RELB: variants seen among roughly 807,000 people sequenced by gnomAD.
RELB encodes RELB proto-oncogene, NF-kB subunit.
In RELB, 14 loss-of-function variants were observed where a neutral mutation model predicts 55.4. The ratio of observed to expected loss-of-function variants is 0.25; its 90% CI spans 0.17 to 0.40. RELB has a LOEUF of 0.40. RELB is among the 10% of genes least tolerant of loss of function. The probability of loss-of-function intolerance (pLI) is 1.00; values close to 1 mark genes in which losing one functional copy is unlikely to be tolerated. For synonymous variants in RELB, 409 were observed against 371.3 expected, an observed-to-expected ratio of 1.10 and a Z score of -1.17; for missense variants, 669 against 830.7, an observed-to-expected ratio of 0.81 and a Z score of 2.39.
At chr19:45,034,946 T>C (rs911477124) in intron 11 of RELB, among the ~76,000 whole-genome samples, 2 of 151,882 alleles carry the variant, frequency 1.3e-5, no homozygotes, top group Non-Finnish European at 2.9e-5. Context: ...GTTCAAGCGA[T>C]TCTCCTGCTT....
intron 5 of RELB, among the ~76,000 whole-genome samples, chr19:45,022,984 C>T (rs1384709873): frequency 3.9e-5 from 6 of 152,174 alleles, no homozygotes; most frequent in Non-Finnish European, 8.8e-5. Flanking sequence ...AAGGTAGTGA[C>T]ACACTTCACT....
intron 4 of RELB, among the ~76,000 whole-genome samples, chr19:45,013,296 C>T (rs371200551): frequency 8.6e-5 from 13 of 151,814 alleles, no homozygotes; most frequent in East Asian, 8.1e-4. Flanking sequence ...TCCACCACCA[C>T]GCCTGGCTAA....
intron 2 of RELB, among the ~76,000 whole-genome samples, chr19:45,006,294 T>C (rs1971281243): frequency 6.6e-6 from 1 of 152,056 alleles, no homozygotes; most frequent in Non-Finnish European, 1.5e-5. Flanking sequence ...AACCTCCGAC[T>C]CCCGGGTTCA....
Position 45,037,810 on chromosome 19 carries a change from G to T in RELB, c.*20G>T. ...ACGTAGCCCCGCGATGCCAGAGGAGGGGCACTGGGTGGGGAGGGAGGTGGA... is the reference window on the plus strand; with the variant it reads ...ACGTAGCCCCGCGATGCCAGAGGAGTGGCACTGGGTGGGGAGGGAGGTGGA... On this transcript the variant is annotated 3_prime_UTR_variant, in exon 12 of 12. Transcript: ENST00000221452. 6.8e-7 allele frequency: 1 copy of T among 1,477,418 alleles called. No individual in the cohort carries two copies. Among genetic ancestry groups the T allele is most frequent in the Non-Finnish European group, 8.9e-7 (1 of 1,118,292 alleles). The allele number at this position is 1,477,418 out of a possible 1,614,324, so 91.5% of individuals were successfully genotyped here.
At chr19:45,006,200 G>A (rs575991797) in intron 2 of RELB, among the ~76,000 whole-genome samples, 72 of 152,266 alleles carry the variant, frequency 4.7e-4, no homozygotes, top group African/African-American at 1.7e-3. Flanking sequence ...AGAATGGGAA[G>A]GAAAATTCCC....
rs537480064 is a variant in RELB at position 45,003,187 on chromosome 19, G to A, written c.154+191G>A. ...CTCTTGGACTGTTAAGAGCGTGACA[G>A]GTGGCCGGGCGCGGTGGCTCACGCC... On this transcript the variant is annotated intron_variant, in intron 2 of 11. Coordinates refer to ENST00000221452, the MANE Select transcript of RELB (RefSeq NM_006509.4). 6.6e-5 allele frequency among the ~76,000 whole-genome samples: 10 copies of A among 152,204 alleles called. No homozygotes were observed. In the South Asian group the frequency reaches 2.1e-3, roughly 32 times the overall value.
At chr19:45,009,882 G>C in intron 3 of RELB, 60 bp downstream of exon 3, 1 of 1,497,544 alleles carries the variant, frequency 6.7e-7, no homozygotes, top group Non-Finnish European at 9.2e-7. Flanking sequence ...TACAGAAGGG[G>C]GTCTTGGCCT....
In RELB at chr19:45,022,118, T is replaced by C. The variant is rs550301756; in HGVS notation, c.570T>C (p.Pro190=). The change falls in exon 5 of 12, where the codon CCT becomes CCC. Residue 190 remains proline (P), a synonymous_variant. Transcript: ENST00000221452. ...VTACLVWKDW[P]HRVHPHSLVG... is the part of the protein sequence containing the mutation. Reference sequence around the variant, plus strand: ...CCTGCCTGGTGTGGAAGGACTGGCCTCACCGAGTCCACCCCCACAGCCTCG... The same window carrying C: ...CCTGCCTGGTGTGGAAGGACTGGCCCCACCGAGTCCACCCCCACAGCCTCG... 3.7e-6 allele frequency: 6 copies of C among 1,613,530 alleles called. No homozygotes were observed. The highest frequency in any genetic ancestry group is 5.1e-6 in the Non-Finnish European group (6 of 1,179,756).
At chr19:45,020,091 T>C (rs2122443156) in intron 4 of RELB, among the ~76,000 whole-genome samples, 1 of 151,566 alleles carries the variant, frequency 6.6e-6, no homozygotes, top group Middle Eastern at 3.5e-3. Context: ...TAAGATATAA[T>C]TGATCATATA....
At chr19:45,033,081 C>T (rs1600083157) in intron 9 of RELB, among the ~76,000 whole-genome samples, 1 of 152,178 alleles carries the variant, frequency 6.6e-6, no homozygotes, top group Non-Finnish European at 1.5e-5. Flanking sequence ...TAGCTGTGTC[C>T]TCATGAGGCT....
chr19:45,006,420 TCTCAAAATCCTGACCTCC>T (rs1406556707), intron 2 of RELB, among the ~76,000 whole-genome samples: 1 of 151,884 alleles, frequency 6.6e-6, no homozygotes, highest in African/African-American at 2.4e-5. Flanking sequence ...GCCAGGCTTG[TCTCAAAATCCTGACCTCC>T]ACTGATCCAG....
intron 1 of RELB, among the ~76,000 whole-genome samples, chr19:45,002,389 G>A (rs1971224006): frequency 6.6e-6 from 1 of 152,134 alleles, no homozygotes; most frequent in Non-Finnish European, 1.5e-5. Context: ...GTCTCGCTCT[G>A]TCGCCCAGGC....
Position 45,028,977 on chromosome 19 carries a change from G to T in RELB, c.976G>T (p.Asp326Tyr). The change falls in exon 8 of 12, where the codon GAC (aspartate) becomes TAC (tyrosine). Residue 326 changes from aspartate (D) to tyrosine (Y), a missense_variant. Physicochemically the swap from Asp to Tyr is radical, Grantham distance 160. This residue lies in a region of RELB where 341 missense variants were observed against 436.8 expected (regional missense o/e 0.78). Coordinates refer to ENST00000221452, the MANE Select transcript of RELB (RefSeq NM_006509.4). ...TGGEELYLLC[D>Y]KVQKEDISVV... Reference sequence around the variant, plus strand: ...TGGCGAGGAGCTCTACTTGCTCTGCGACAAGGTGCAGAAAGGTGAGGGGCC... The same window carrying T: ...TGGCGAGGAGCTCTACTTGCTCTGCTACAAGGTGCAGAAAGGTGAGGGGCC... 1 of 1,585,300 alleles carries T rather than the reference G, an allele frequency of 6.3e-7. No homozygotes were observed. Among genetic ancestry groups the T allele is most frequent in the South Asian group, 1.2e-5 (1 of 86,342 alleles).
intron 5 of RELB, among the ~76,000 whole-genome samples, chr19:45,024,101 A>G (rs1026205516): frequency 1.3e-5 from 2 of 151,664 alleles, no homozygotes; most frequent in Admixed American, 6.6e-5. Flanking sequence ...TCGGCCTCCC[A>G]AAGTGCTGGG....
chr19:45,032,431 A>G, intron 8 of RELB, 103 bp from the exon 9 acceptor site: 1 of 981,324 alleles, frequency 1.0e-6, no homozygotes, highest in Admixed American at 2.5e-5. Context: ...AAAAAATTTT[A>G]AAAAGGGGGA....
Position 45,025,385 on chromosome 19 carries a change from A to G in RELB, c.719A>G (p.Glu240Gly), listed in dbSNP as rs1295763814. ...VRKKEIEAAIERKIQLGIDPY... is the reference protein window; with the variant it reads ...VRKKEIEAAIGRKIQLGIDPY... The stretch of plus-strand genomic sequence containing the variant: ...AAGAAGGAGATTGAGGCTGCCATTG[A>G]GCGGAAGATTCAACTGGGCATTGAC... The change falls in exon 6 of 12, where the codon GAG becomes GGG. Residue 240 changes from glutamate to glycine, a missense_variant. Around this residue, in one of 3 missense-constraint regions of RELB, gnomAD observed 323 missense variants for 368.5 expected, o/e 0.88. Coordinates refer to ENST00000221452, the MANE Select transcript of RELB (RefSeq NM_006509.4). 1 of 1,612,806 alleles carries G rather than the reference A, an allele frequency of 6.2e-7. No individual in the cohort carries two copies. The highest frequency in any genetic ancestry group is 1.3e-5 in the African/African-American group (1 of 74,856).
chr19:45,027,205 C>T (rs1026724117), intron 7 of RELB, among the ~76,000 whole-genome samples: 20 of 149,876 alleles, frequency 1.3e-4, no homozygotes, highest in African/African-American at 4.9e-4. Context: ...TGCACTCCAG[C>T]CCGGGCAACA....
chr19:45,002,243 A>G (rs948862946), intron 1 of RELB, among the ~76,000 whole-genome samples: 2 of 151,944 alleles, frequency 1.3e-5, no homozygotes, highest in East Asian at 1.9e-4. Context: ...GGCCCGACAC[A>G]GAGAATGAGG....
intron 4 of RELB, among the ~76,000 whole-genome samples, chr19:45,014,879 C>A (rs775701514): frequency 6.7e-6 from 1 of 148,904 alleles, no homozygotes; most frequent in Non-Finnish European, 1.5e-5. Flanking sequence ...TAGGGAATGA[C>A]CTGTCTCCAA....
Sources: allele counts gnomAD v4.1 joint callset (sites outside exome capture counted in the v4.1 genomes callset), GRCh38; gene constraint gnomAD v4.1.1; regional missense constraint gnomAD v4.1.1; transcripts MANE v1.5; gene names NCBI Gene and HGNC (gene_info 2026-07-23, HGNC 2026-07-21).